Variants in TNFRSF11B observed in about 807,000 individuals in gnomAD.
TNFRSF11B encodes tumor necrosis factor receptor superfamily member 11B.
A neutral mutation model predicts 43.4 loss-of-function variants in TNFRSF11B; 16 were observed. That is an observed-to-expected ratio of 0.37 (90% CI 0.25 to 0.56). The LOEUF (loss-of-function observed/expected upper bound fraction) is 0.56, where lower values mean the gene tolerates loss of function less well. Ranked by LOEUF, TNFRSF11B falls within the 20% of genes least tolerant of loss-of-function variation. The pLI, the probability that TNFRSF11B is intolerant of heterozygous loss-of-function variation, is 0.80. For missense variants in TNFRSF11B, 444 were observed against 490.1 expected, an observed-to-expected ratio of 0.91 and a Z score of 0.89; for synonymous variants, 185 against 181.8, an observed-to-expected ratio of 1.02 and a Z score of -0.14.
chr8:118,927,431 A>C (rs1013859998), intron 3 of TNFRSF11B, among the ~76,000 whole-genome samples: 1 of 152,178 alleles, frequency 6.6e-6, no homozygotes, highest in African/African-American at 2.4e-5. Context: ...TAAATGTTAA[A>C]GCCTCTATAG....
intron 1 of TNFRSF11B, among the ~76,000 whole-genome samples, 157 bp downstream of exon 1, chr8:118,951,635 A>G (rs972866159): frequency 6.6e-6 from 1 of 152,186 alleles, no homozygotes; most frequent in Non-Finnish European, 1.5e-5. Context: ...AGCATGGCAT[A>G]ACTTGAAAGC....
At chr8:118,942,942 T>G (rs180953578) in intron 1 of TNFRSF11B, among the ~76,000 whole-genome samples, 8 of 152,020 alleles carry the variant, frequency 5.3e-5, no homozygotes, top group Non-Finnish European at 1.2e-4. Context: ...CCTACCTATT[T>G]GACCATCCGT....
chr8:118,932,006 C>T (rs1812336921), intron 2 of TNFRSF11B, among the ~76,000 whole-genome samples: 1 of 152,084 alleles, frequency 6.6e-6, no homozygotes, highest in East Asian at 1.9e-4. Flanking sequence ...CGCAGGACAG[C>T]TGCCCACAAA....
rs761190753 is a variant in TNFRSF11B, at chr8:118,926,671, T to C, written c.640A>G (p.Lys214Glu). Residue 214 changes from lysine to glutamate, a missense_variant, in exon 4 of 5, where the codon AAG becomes GAG. Transcript: ENST00000297350. ...EAFFRFAVPT[K>E]FTPNWLSVLV... ...ACACTAAGCCAGTTAGGCGTAAACT[T>C]TGTAGGAACAGCAAACCTGAAGAAT... 1.9e-6 allele frequency: 3 copies of C among 1,614,068 alleles called. No individual in the cohort carries two copies. The highest frequency in any genetic ancestry group is 2.5e-6 in the Non-Finnish European group (3 of 1,179,980).
rs376517108 is a variant in TNFRSF11B at position 118,951,799 on chromosome 8, G to A, written c.23C>T (p.Ala8Val). 2 of 1,592,778 alleles carry A rather than the reference G, an allele frequency of 1.3e-6. No homozygotes were observed. Among genetic ancestry groups the A allele is most frequent in the African/African-American group, 1.3e-5 (1 of 74,366 alleles). The part of the protein sequence containing the change: MNNLLCC[A>V]LVFLDISIKW... ...GCTGGCCCAGGGACTTACCACGAGC[G>A]CGCAGCACAGCAAGTTGTTCATTGT... The change falls in exon 1 of 5, where the codon GCG (alanine) becomes GTG (valine). Residue 8 changes from alanine (A) to valine (V), a missense_variant. Coordinates refer to ENST00000297350, the MANE Select transcript of TNFRSF11B (RefSeq NM_002546.4).
chr8:118,933,739 C>CGATGTGGG (rs1245026416), intron 1 of TNFRSF11B, among the ~76,000 whole-genome samples: 5 of 151,562 alleles, frequency 3.3e-5, no homozygotes, highest in African/African-American at 1.2e-4. Context: ...CTTATTCCAC[C>CGATGTGGG]GATGTGGGGA....
intron 1 of TNFRSF11B, among the ~76,000 whole-genome samples, chr8:118,947,361 C>T (rs1812579446): frequency 6.6e-6 from 1 of 152,088 alleles, no homozygotes; most frequent in Non-Finnish European, 1.5e-5. Context: ...GGAAACACAC[C>T]TTATTGTCAT....
intron 1 of TNFRSF11B, among the ~76,000 whole-genome samples, chr8:118,937,163 A>G (rs1812416894): frequency 6.6e-6 from 1 of 152,184 alleles, no homozygotes; most frequent in African/African-American, 2.4e-5. Flanking sequence ...TCACATATCA[A>G]ATGCTAGCAG....
At chr8:118,948,283 T>TC (rs1017391142) in intron 1 of TNFRSF11B, among the ~76,000 whole-genome samples, 1 of 152,178 alleles carries the variant, frequency 6.6e-6, no homozygotes, top group African/African-American at 2.4e-5. Flanking sequence ...CCAGCCTTTT[T>TC]TTTTTCTTTT....
chr8:118,935,636 C>T (rs541971019), intron 1 of TNFRSF11B, among the ~76,000 whole-genome samples: 3 of 152,086 alleles, frequency 2.0e-5, no homozygotes, highest in South Asian at 4.2e-4. Flanking sequence ...TTCAGGGCTC[C>T]TATAGTGTAA....
At position 118,928,492 on chromosome 8, in the gene TNFRSF11B, A is replaced by G. The variant is rs1264783591; in HGVS notation, c.592+246T>C. 3.3e-5 allele frequency among the ~76,000 whole-genome samples: 5 copies of G among 152,366 alleles called. 1 individual carries two copies. Among genetic ancestry groups the G allele is most frequent in the Non-Finnish European group, 5.9e-5 (4 of 68,032 alleles). On this transcript the variant is annotated intron_variant, in intron 3 of 4. Coordinates refer to ENST00000297350, the MANE Select transcript of TNFRSF11B (RefSeq NM_002546.4). Reference sequence around the variant, plus strand: ...ACACTGCCCTTTGCCTATGGGCAAGATTTGATTTCAGTGTGAAAGGAGAGA... The same window carrying G: ...ACACTGCCCTTTGCCTATGGGCAAGGTTTGATTTCAGTGTGAAAGGAGAGA...
At chr8:118,925,788 T>C (rs183008768) in intron 4 of TNFRSF11B, among the ~76,000 whole-genome samples, 1 of 152,334 alleles carries the variant, frequency 6.6e-6, no homozygotes, top group African/African-American at 2.4e-5. Flanking sequence ...TCATGTGTCG[T>C]AAAGCTTACA....
intron 1 of TNFRSF11B, among the ~76,000 whole-genome samples, chr8:118,949,507 A>G (rs574927161): frequency 6.6e-6 from 1 of 152,296 alleles, no homozygotes; most frequent in African/African-American, 2.4e-5. Flanking sequence ...ATAGAAGACA[A>G]AACTAAAACT....
At chr8:118,940,879 C>A (rs1214935883) in intron 1 of TNFRSF11B, among the ~76,000 whole-genome samples, 1 of 152,122 alleles carries the variant, frequency 6.6e-6, no homozygotes, top group Non-Finnish European at 1.5e-5. Context: ...GAAAGCTCAG[C>A]CAGAAAATAA....
intron 1 of TNFRSF11B, among the ~76,000 whole-genome samples, chr8:118,950,466 G>A (rs947481128): frequency 2.6e-5 from 4 of 152,176 alleles, no homozygotes; most frequent in African/African-American, 9.7e-5. Flanking sequence ...ATTCATCTAT[G>A]TTGTTCAAAT....
intron 1 of TNFRSF11B, among the ~76,000 whole-genome samples, chr8:118,942,905 C>A (rs964277462): frequency 6.6e-6 from 1 of 152,120 alleles, no homozygotes; most frequent in African/African-American, 2.4e-5. Flanking sequence ...TACTGTCTAT[C>A]TATCCATCTA....
At chr8:118,949,880 C>CT (rs1386703066) in intron 1 of TNFRSF11B, among the ~76,000 whole-genome samples, 2 of 152,058 alleles carry the variant, frequency 1.3e-5, no homozygotes, top group East Asian at 3.9e-4. Context: ...CATCTGGACT[C>CT]TATGTGTAAA....
In TNFRSF11B at chr8:118,930,774, G is replaced by A. The variant is rs760218098; in HGVS notation, c.401-1845C>T. The A allele has an allele frequency of 1.7e-4, 78 of 451,724 alleles. 2 individuals are homozygous for A. The highest frequency in any genetic ancestry group is 1.1e-3 in the South Asian group (73 of 63,920). 28.0% of individuals were successfully genotyped at this position (451,724 alleles called of 1,614,324 possible). On this transcript the variant is annotated intron_variant, in intron 2 of 4. Coordinates refer to ENST00000297350, the MANE Select transcript of TNFRSF11B (RefSeq NM_002546.4). ...CTTGGGTCTTCTCCTGCATCCTAAT[G>A]AGAAGTTCATATGTGTCAGATATTT... is the stretch of plus-strand genomic sequence containing the variant.
intron 1 of TNFRSF11B, among the ~76,000 whole-genome samples, chr8:118,942,168 G>A (rs1210423425): frequency 1.3e-5 from 2 of 151,862 alleles, no homozygotes; most frequent in East Asian, 1.9e-4. Flanking sequence ...TGCTGCCCTC[G>A]TTAACTTGTC....
Sources: gnomAD v4.1 joint callset for allele counts (sites outside exome capture counted in the v4.1 genomes callset) on GRCh38, gnomAD v4.1.1 for gene constraint, MANE v1.5 for transcripts, NCBI Gene and HGNC (gene_info 2026-07-23, HGNC 2026-07-21) for gene names.